Variants in ADGRL2 observed in about 807,000 individuals in gnomAD.
ADGRL2 encodes calcium-independent alpha-latrotoxin receptor 2.
ADGRL2 carries 44 observed loss-of-function variants against 157.4 expected under a neutral mutation model. The observed-to-expected ratio is 0.28, with a 90% confidence interval of 0.22 to 0.36. ADGRL2 has a LOEUF of 0.36. ADGRL2 is among the 10% of genes least tolerant of loss of function. The probability of loss-of-function intolerance (pLI) is 1.00; values close to 1 mark genes in which losing one functional copy is unlikely to be tolerated. For synonymous variants in ADGRL2, 585 were observed against 624.7 expected, an observed-to-expected ratio of 0.94 and a Z score of 0.95; for missense variants, 1,510 against 1,768.9, an observed-to-expected ratio of 0.85 and a Z score of 2.63.
At chr1:81,456,440 G>A (rs534572917) in intron 2 of ADGRL2, among the ~76,000 whole-genome samples, 1 of 151,890 alleles carries the variant, frequency 6.6e-6, no homozygotes, top group South Asian at 2.1e-4. Flanking sequence ...GTCTCGCTTT[G>A]TTGCCCAGGC....
intron 3 of ADGRL2, among the ~76,000 whole-genome samples, chr1:81,634,774 G>A (rs1487362066): frequency 2.0e-5 from 3 of 151,984 alleles, no homozygotes; most frequent in Non-Finnish European, 2.9e-5. Flanking sequence ...CACCCACCTC[G>A]GCCTCCCAAA....
In ADGRL2 at chr1:81,357,015, C is replaced by A. The variant is rs532242751; in HGVS notation, c.-302+50506C>A. On this transcript the variant is annotated intron_variant, in intron 1 of 24. Coordinates refer to the ADGRL2 transcript ENST00000370721. ...AAAGCTCATTAAGAATCACACATTT[C>A]CCTTTATCTAAGGTACTAGGTACTT... 7.4e-5 allele frequency among the ~76,000 whole-genome samples: 11 copies of A among 148,954 alleles called. No homozygotes were observed. In the South Asian group the frequency reaches 2.4e-3, roughly 32 times the overall value.
chr1:81,808,522 A>G (rs1051882376), intron 1 of ADGRL2, among the ~76,000 whole-genome samples: 3 of 151,894 alleles, frequency 2.0e-5, no homozygotes, highest in Admixed American at 1.3e-4. Flanking sequence ...AACTACTTCC[A>G]CTGGCATATT....
intron 2 of ADGRL2, among the ~76,000 whole-genome samples, chr1:81,869,817 TTTAAG>T (rs1473867350): frequency 2.0e-5 from 3 of 152,194 alleles, no homozygotes; most frequent in South Asian, 2.1e-4. Context: ...ATTTTTTAGA[TTTAAG>T]TTGAGTCTTC....
At chr1:81,622,287 C>T (rs1244760108) in intron 3 of ADGRL2, among the ~76,000 whole-genome samples, 1 of 152,106 alleles carries the variant, frequency 6.6e-6, no homozygotes, top group East Asian at 1.9e-4. Context: ...TCCTTTAAAA[C>T]CTACGTTTTT....
At chr1:81,874,797 C>G (rs1571846246) in intron 2 of ADGRL2, among the ~76,000 whole-genome samples, 2 of 152,166 alleles carry the variant, frequency 1.3e-5, no homozygotes, top group East Asian at 3.9e-4. Flanking sequence ...CCTCTGCCTC[C>G]TGGGTTCAAG....
intron 2 of ADGRL2, among the ~76,000 whole-genome samples, chr1:81,855,777 C>A (rs936893136): frequency 6.6e-6 from 1 of 152,028 alleles, no homozygotes; most frequent in African/African-American, 2.4e-5. Flanking sequence ...GTGGTCTGCC[C>A]ATTTGTGCCC....
At position 81,368,208 on chromosome 1, in the gene ADGRL2, A is replaced by T. The variant is rs1279867408; in HGVS notation, c.-302+61699A>T. Among the ~76,000 whole-genome samples, 3 of 152,132 alleles carry T rather than the reference A, an allele frequency of 2.0e-5. No individual in the cohort carries two copies. The East Asian group carries it at 5.8e-4, about 29-fold the overall frequency. On this transcript the variant is annotated intron_variant, in intron 1 of 24. Coordinates refer to the ADGRL2 transcript ENST00000370721. Reference sequence around the variant, plus strand: ...AGCATCTGATGTTTCTTGACTTTTTAATAATCACCATTCTGACTGGCATGA... The same window carrying T: ...AGCATCTGATGTTTCTTGACTTTTTTATAATCACCATTCTGACTGGCATGA...
chr1:81,799,550 T>C (rs1336925192), upstream of ADGRL2, among the ~76,000 whole-genome samples: 2 of 152,248 alleles, frequency 1.3e-5, no homozygotes, highest in African/African-American at 4.8e-5. Flanking sequence ...ACTTTAGTAC[T>C]ACACCTATCT....
intron 1 of ADGRL2, among the ~76,000 whole-genome samples, chr1:81,802,115 C>G (rs1190916402): frequency 7.3e-5 from 11 of 150,164 alleles, no homozygotes; most frequent in Non-Finnish European, 1.5e-4. Flanking sequence ...GGCCGAGGAC[C>G]CGCTCGCGGC....
chr1:81,976,497 A>G (rs1660223190), intron 17 of ADGRL2, among the ~76,000 whole-genome samples: 1 of 152,006 alleles, frequency 6.6e-6, no homozygotes, highest in Non-Finnish European at 1.5e-5. Context: ...TTGAGCGCAA[A>G]GATCCCTCAA....
Position 81,818,740 on chromosome 1 carries a change from A to C in ADGRL2, c.-101+17672A>C, listed in dbSNP as rs574414019. 5.9e-5 allele frequency among the ~76,000 whole-genome samples: 9 copies of C among 152,328 alleles called. No individual in the cohort carries two copies. The South Asian group carries it at 1.9e-3, about 32-fold the overall frequency. ...ATATTTGCACAAATAATTCTTATAA[A>C]AGTCATACTACGATATCATGCCAAA... On this transcript the variant is annotated intron_variant, in intron 1 of 23. Transcript: ENST00000686636.
chr1:81,476,510 G>A (rs1184034368), intron 2 of ADGRL2, among the ~76,000 whole-genome samples: 2 of 152,114 alleles, frequency 1.3e-5, no homozygotes, highest in Non-Finnish European at 2.9e-5. Flanking sequence ...TCCTCCACCT[G>A]TGCTTTTTCA....
In ADGRL2 at chr1:81,523,243, CA is replaced by C. The variant is rs553021297; in HGVS notation, c.-247-57630del. 2.9e-3 allele frequency among the ~76,000 whole-genome samples: 438 copies of C among 152,054 alleles called. 2 individuals are homozygous for C. Among genetic ancestry groups the C allele is most frequent in the Middle Eastern group, 0.024 (7 of 294 alleles). On this transcript the variant is annotated intron_variant, in intron 2 of 24. Coordinates refer to the ADGRL2 transcript ENST00000370721. The stretch of plus-strand genomic sequence containing the variant: ...TGTCATACTAATATAAAACGTTAAT[CA>C]AAGTATTTCCAGAACAAGATAAGCT...
intron 2 of ADGRL2, among the ~76,000 whole-genome samples, chr1:81,867,029 T>G (rs1407688618): frequency 1.3e-5 from 2 of 152,166 alleles, no homozygotes; most frequent in Non-Finnish European, 2.9e-5. Context: ...TATCTGTGAT[T>G]ACAAATAAAC....
At chr1:81,649,180 A>G (rs1001894522) in intron 3 of ADGRL2, among the ~76,000 whole-genome samples, 17 of 152,158 alleles carry the variant, frequency 1.1e-4, no homozygotes, top group Admixed American at 9.2e-4. Context: ...CAGAGCCCTA[A>G]GGCCTCTACC....
At chr1:81,608,175 C>G (rs893991086) in intron 3 of ADGRL2, among the ~76,000 whole-genome samples, 5 of 152,132 alleles carry the variant, frequency 3.3e-5, no homozygotes, top group Non-Finnish European at 7.4e-5. Flanking sequence ...TCCTAGTTAT[C>G]TCTCAGTGTT....
intron 2 of ADGRL2, among the ~76,000 whole-genome samples, chr1:81,522,040 C>T (rs942970189): frequency 2.0e-5 from 3 of 151,044 alleles, no homozygotes; most frequent in Non-Finnish European, 2.9e-5. Flanking sequence ...TCTCGGCTCA[C>T]TGCAGCCTCT....
At chr1:81,966,305 A>T in intron 12 of ADGRL2, 99 bp from the exon 13 acceptor site, 1 of 1,513,992 alleles carries the variant, frequency 6.6e-7, no homozygotes. Context: ...AGCAGATATA[A>T]AACAGTGCCT....
Sources: allele counts gnomAD v4.1 joint callset (sites outside exome capture counted in the v4.1 genomes callset), GRCh38; gene constraint gnomAD v4.1.1; transcripts MANE v1.5; gene names NCBI Gene and HGNC (gene_info 2026-07-23, HGNC 2026-07-21).